The following DLC1 variants were observed in gnomAD, a reference collection of about 807,000 sequenced individuals.
DLC1 encodes DLC1 Rho GTPase activating protein, also known as rho GTPase-activating protein 7.
In DLC1, 54 loss-of-function variants were observed where a neutral mutation model predicts 140.3. The observed-to-expected ratio is 0.38, with a 90% CI of 0.31 to 0.48. The LOEUF (loss-of-function observed/expected upper bound fraction) is 0.48. Among genes scored for constraint, DLC1 ranks in the 20% least tolerant of loss-of-function variants. DLC1 has a pLI of 0.96. For synonymous variants in DLC1, 986 were observed against 728.1 expected, an observed-to-expected ratio of 1.35 and a Z score of -5.70; for missense variants, 2,536 against 1,907.0, an observed-to-expected ratio of 1.33 and a Z score of -6.14.
At chr8:13,125,511 G>A (rs1010304675) in intron 5 of DLC1, among the ~76,000 whole-genome samples, 2 of 152,128 alleles carry the variant, frequency 1.3e-5, no homozygotes, top group Non-Finnish European at 2.9e-5. Flanking sequence ...CGTGACTTGG[G>A]CGCTGAAATA....
intron 4 of DLC1, among the ~76,000 whole-genome samples, chr8:13,305,714 G>A (rs2117521759): frequency 6.6e-6 from 1 of 152,270 alleles, no homozygotes; most frequent in African/African-American, 2.4e-5. Context: ...GCATGCACCG[G>A]TAGTCCCAGC....
chr8:13,185,701 G>A (rs1038430735), intron 5 of DLC1, among the ~76,000 whole-genome samples: 2 of 152,098 alleles, frequency 1.3e-5, no homozygotes, highest in African/African-American at 4.8e-5. Flanking sequence ...GATGTTCATT[G>A]GTTATTTTGC....
Position 13,228,830 on chromosome 8 carries a change from C to T in DLC1, c.1348+76439G>A, listed in dbSNP as rs74607980. On this transcript the variant is annotated intron_variant, in intron 5 of 17. Coordinates refer to ENST00000276297, the MANE Select transcript of DLC1 (RefSeq NM_182643.3). The stretch of plus-strand genomic sequence containing the variant: ...AATGGTCGATGAGCATGAAAAGATG[C>T]TCAACATCATCAGCCATGCATACAG... Among the ~76,000 whole-genome samples the T allele has an allele frequency of 3.7e-3, 568 of 152,272 alleles. 7 individuals carry two copies. The highest frequency in any genetic ancestry group is 0.012 in the African/African-American group (499 of 41,550).
At chr8:13,361,087 C>G (rs1464042218) in intron 4 of DLC1, among the ~76,000 whole-genome samples, 1 of 151,978 alleles carries the variant, frequency 6.6e-6, no homozygotes, top group African/African-American at 2.4e-5. Flanking sequence ...CAAAAAGTAG[C>G]TGGGTGTGTT....
chr8:13,128,835 A>AG (rs1201240884), intron 5 of DLC1, among the ~76,000 whole-genome samples: 2 of 81,808 alleles, frequency 2.4e-5, no homozygotes, highest in Non-Finnish European at 5.2e-5. Context: ...ACTCCGTCTC[A>AG]AAAAAAAAAA....
chr8:13,430,256 G>C (rs1406469255), intron 2 of DLC1, among the ~76,000 whole-genome samples: 1 of 152,158 alleles, frequency 6.6e-6, no homozygotes, highest in Non-Finnish European at 1.5e-5. Flanking sequence ...TGATCCAATA[G>C]GTTTATCTGA....
chr8:13,383,713 TC>T (rs1349701844), intron 4 of DLC1, among the ~76,000 whole-genome samples: 1 of 152,200 alleles, frequency 6.6e-6, no homozygotes, highest in Non-Finnish European at 1.5e-5. Flanking sequence ...TTCACTTGCA[TC>T]GGTGGAAGTC....
At chr8:13,518,377 G>A (rs375961278), upstream of DLC1, among the ~76,000 whole-genome samples, 74 of 152,284 alleles carry the variant, frequency 4.9e-4, no homozygotes, top group African/African-American at 1.6e-3. Context: ...CCAAAGTGCT[G>A]GGTTTAGAGG....
intron 5 of DLC1, among the ~76,000 whole-genome samples, chr8:13,266,948 G>A (rs941141510): frequency 3.7e-4 from 56 of 152,116 alleles, no homozygotes; most frequent in Admixed American, 3.6e-3. Flanking sequence ...CATTTGTCCA[G>A]CCATGAGCTG....
chr8:13,305,297 A>T lies in DLC1; in HGVS notation c.1320T>A (p.Ile440=). The stretch of plus-strand genomic sequence containing the variant: ...CCTTTTCCTTCTCTGAAATACCTTG[A>T]ATAGCCTGAAAAAAAAGACACAAAA... ...NSGTKPKTTA[I]QGISEKEKAE... Residue 440 remains isoleucine, a synonymous_variant, in exon 5 of 18, where the codon ATT becomes ATA. Transcript: ENST00000276297. 6.2e-7 allele frequency: 1 copy of T among 1,600,288 alleles called. No homozygotes were observed. The highest frequency in any genetic ancestry group is 8.5e-7 in the Non-Finnish European group (1 of 1,175,102).
intron 2 of DLC1, among the ~76,000 whole-genome samples, chr8:13,474,453 C>A (rs1328498827): frequency 2.6e-5 from 4 of 152,132 alleles, no homozygotes; most frequent in African/African-American, 9.7e-5. Context: ...TCAGAACCCC[C>A]AAGTAGAGTC....
intron 2 of DLC1, among the ~76,000 whole-genome samples, chr8:13,438,586 C>T (rs368457481): frequency 6.6e-6 from 1 of 152,264 alleles, no homozygotes; most frequent in African/African-American, 2.4e-5. Flanking sequence ...CATCTCCTAC[C>T]ACCCACGCAA....
intron 2 of DLC1, among the ~76,000 whole-genome samples, chr8:13,489,412 T>TACACAC (rs10558551): frequency 0.085 from 11,238 of 132,208 alleles, 832 homozygotes; most frequent in African/African-American, 0.2. Context: ...ACACACACCA[T>TACACAC]ACACACACAC....
chr8:13,103,126 C>A (rs1312800511), intron 7 of DLC1, among the ~76,000 whole-genome samples: 1 of 151,652 alleles, frequency 6.6e-6, no homozygotes, highest in African/African-American at 2.4e-5. Context: ...CTGGCTAACA[C>A]GGTGAAACCC....
intron 4 of DLC1, among the ~76,000 whole-genome samples, chr8:13,387,819 T>C (rs1287340890): frequency 6.6e-6 from 1 of 151,994 alleles, no homozygotes; most frequent in East Asian, 1.9e-4. Flanking sequence ...CAAATGTCAA[T>C]GTACCTGCAG....
In DLC1 at chr8:13,301,302, T is replaced by C. The variant is rs565083487; in HGVS notation, c.1348+3967A>G. On this transcript the variant is annotated intron_variant, in intron 5 of 17. Transcript: ENST00000276297. ...TTGTGACAATCTTTGAATTAATTCATTGAGAAGAATCATGGAGAAAGTGAT... is the reference window on the plus strand; with the variant it reads ...TTGTGACAATCTTTGAATTAATTCACTGAGAAGAATCATGGAGAAAGTGAT... Among the ~76,000 whole-genome samples the C allele has an allele frequency of 1.2e-4, 19 of 152,258 alleles. 1 individual carries two copies. In the South Asian group the frequency reaches 3.7e-3, roughly 30 times the overall value.
chr8:13,561,988 A>G (rs895671710), intron 1 of DLC1, among the ~76,000 whole-genome samples: 2 of 152,140 alleles, frequency 1.3e-5, no homozygotes, highest in African/African-American at 4.8e-5. Flanking sequence ...AAAAAAATCA[A>G]TGGAAAAAGT....
intron 5 of DLC1, among the ~76,000 whole-genome samples, chr8:13,123,949 T>C (rs1036563126): frequency 2.0e-5 from 3 of 152,214 alleles, no homozygotes; most frequent in Admixed American, 6.5e-5. Context: ...TGTATGTACA[T>C]GTATATATGT....
chr8:13,220,490 C>A (rs1828489686), intron 5 of DLC1, among the ~76,000 whole-genome samples: 1 of 152,052 alleles, frequency 6.6e-6, no homozygotes. Flanking sequence ...TCAGCAGAGA[C>A]CAAATGTTCC....
Sources: gnomAD v4.1 joint callset for allele counts (sites outside exome capture counted in the v4.1 genomes callset) on GRCh38, gnomAD v4.1.1 for gene constraint, MANE v1.5 for transcripts, NCBI Gene and HGNC (gene_info 2026-07-23, HGNC 2026-07-21) for gene names.